SEMA3A: variants seen among roughly 807,000 people sequenced by gnomAD.
SEMA3A encodes the protein semaphorin-3A.
A neutral mutation model predicts 97.9 loss-of-function variants in SEMA3A; 29 were observed. The ratio of observed to expected loss-of-function variants is 0.30; its 90% CI spans 0.22 to 0.40. The LOEUF (loss-of-function observed/expected upper bound fraction) is 0.40. SEMA3A is among the 10% of genes least tolerant of loss of function. SEMA3A has a pLI of 1.00. For synonymous variants in SEMA3A, 321 were observed against 323.7 expected, an observed-to-expected ratio of 0.99 and a Z score of 0.09; for missense variants, 763 against 951.3, an observed-to-expected ratio of 0.80 and a Z score of 2.60.
At chr7:84,246,684 A>C (rs754356024) in intron 3 of SEMA3A, among the ~76,000 whole-genome samples, 1 of 152,124 alleles carries the variant, frequency 6.6e-6, no homozygotes, top group Non-Finnish European at 1.5e-5. Context: ...TGGGAGTATA[A>C]AATTTGAATA....
chr7:84,478,978 A>T (rs1806373682), intron 1 of SEMA3A, among the ~76,000 whole-genome samples: 1 of 152,164 alleles, frequency 6.6e-6, no homozygotes, highest in African/African-American at 2.4e-5. Context: ...TCTCTTGTCA[A>T]ATATATACTA....
intron 4 of SEMA3A, among the ~76,000 whole-genome samples, chr7:84,061,476 G>A (rs564020919): frequency 1.3e-5 from 2 of 152,222 alleles, no homozygotes; most frequent in South Asian, 4.1e-4. Context: ...TAAGAACCAA[G>A]TGCCCTGGGA....
intron 3 of SEMA3A, among the ~76,000 whole-genome samples, chr7:84,286,693 T>C (rs971868184): frequency 2.6e-5 from 4 of 152,062 alleles, no homozygotes; most frequent in African/African-American, 9.7e-5. Context: ...AATTCAAAGG[T>C]AGTCCACTTT....
intron 2 of SEMA3A, among the ~76,000 whole-genome samples, chr7:84,358,631 G>A (rs1239962569): frequency 2.0e-5 from 3 of 152,062 alleles, no homozygotes; most frequent in Admixed American, 6.6e-5. Flanking sequence ...CTCTTTTTTG[G>A]TTCCATATGA....
chr7:84,152,209 A>C (rs200523163), intron 1 of SEMA3A, among the ~76,000 whole-genome samples: 46 of 151,316 alleles, frequency 3.0e-4, no homozygotes, highest in African/African-American at 1.0e-3. Context: ...CCCAAAGGAC[A>C]ATAAATCATG....
chr7:84,176,453 C>A (rs1171754995), intron 1 of SEMA3A, among the ~76,000 whole-genome samples: 1 of 152,062 alleles, frequency 6.6e-6, no homozygotes, highest in African/African-American at 2.4e-5. Flanking sequence ...AGAAATTATT[C>A]ATTATCTTCT....
intron 1 of SEMA3A, among the ~76,000 whole-genome samples, chr7:84,399,004 T>C (rs374047738): frequency 4.6e-5 from 7 of 152,204 alleles, no homozygotes; most frequent in African/African-American, 1.7e-4. Flanking sequence ...TACCTGGTCT[T>C]AGCATAATGA....
intron 13 of SEMA3A, among the ~76,000 whole-genome samples, chr7:83,984,529 G>C (rs960704201): frequency 6.0e-5 from 9 of 149,478 alleles, no homozygotes; most frequent in Non-Finnish European, 1.2e-4. Flanking sequence ...TTTGCCAAAT[G>C]ATTCTCATTT....
At position 84,315,971 on chromosome 7, in the gene SEMA3A, C is replaced by CT. The variant is rs1389067489; in HGVS notation, c.-168-8680dup. ...TTTTTAAAATTCTGTCTTTCTTCCT[C>CT]TAATTTTATTTTCTTTTCTCTTTTG... is the stretch of plus-strand genomic sequence containing the variant. On this transcript the variant is annotated intron_variant, in intron 2 of 3. Coordinates refer to the SEMA3A transcript ENST00000424555. 2.0e-5 allele frequency among the ~76,000 whole-genome samples: 3 copies of CT among 150,460 alleles called. No homozygotes were observed. In the East Asian group the frequency reaches 5.8e-4, roughly 29 times the overall value.
chr7:84,008,220 G>A (rs1790743013), intron 9 of SEMA3A, among the ~76,000 whole-genome samples: 1 of 152,168 alleles, frequency 6.6e-6, no homozygotes, highest in Non-Finnish European at 1.5e-5. Context: ...GGCAGGGCGC[G>A]GTGGCTCAAG....
At chr7:84,290,274 A>AAAACC (rs147347063) in intron 3 of SEMA3A, among the ~76,000 whole-genome samples, 1 of 152,054 alleles carries the variant, frequency 6.6e-6, no homozygotes, top group East Asian at 1.9e-4. Context: ...TTTACAACCA[A>AAAACC]AAACCAAACC....
At chr7:84,215,428 TC>T (rs1669437981) in intron 3 of SEMA3A, among the ~76,000 whole-genome samples, 1 of 76,060 alleles carries the variant, frequency 1.3e-5, no homozygotes, top group African/African-American at 5.8e-5. Flanking sequence ...CCTTAGATGA[TC>T]CGCCCCCCCC....
chr7:84,412,363 T>C (rs1804293826), intron 1 of SEMA3A, among the ~76,000 whole-genome samples: 1 of 152,138 alleles, frequency 6.6e-6, no homozygotes, highest in African/African-American at 2.4e-5. Flanking sequence ...TGGAACTGTA[T>C]TGTTCCATGG....
At chr7:84,133,922 C>A (rs1584015752) in intron 2 of SEMA3A, among the ~76,000 whole-genome samples, 1 of 147,496 alleles carries the variant, frequency 6.8e-6, no homozygotes, top group Non-Finnish European at 1.5e-5. Flanking sequence ...ATTAGCCGGG[C>A]GTGGTGGCAG....
chr7:84,314,747 T>C (rs2115882523), intron 2 of SEMA3A, among the ~76,000 whole-genome samples: 1 of 152,330 alleles, frequency 6.6e-6, no homozygotes, highest in Admixed American at 6.5e-5. Context: ...TCACTTTTGC[T>C]CAATCAAGCA....
In SEMA3A at chr7:84,124,642, T is replaced by G. The variant is rs79755328; in HGVS notation, c.333+4481A>C. On this transcript the variant is annotated intron_variant, in intron 3 of 16. Coordinates refer to ENST00000265362, the MANE Select transcript of SEMA3A (RefSeq NM_006080.3). ...CTTTCTTCTTAATATTTATTTCTTA[T>G]TGTTTATTTAAATCATTGTTAAAAA... Among the ~76,000 whole-genome samples the G allele has an allele frequency of 2.8e-3, 420 of 152,324 alleles. 1 individual carries two copies. Among genetic ancestry groups the G allele is most frequent in the African/African-American group, 9.6e-3 (398 of 41,580 alleles).
chr7:84,050,765 T>A (rs1387552925), intron 5 of SEMA3A, among the ~76,000 whole-genome samples: 2 of 152,230 alleles, frequency 1.3e-5, no homozygotes, highest in African/African-American at 4.8e-5. Context: ...TTTGGTGTTT[T>A]AGACATGAAG....
intron 3 of SEMA3A, among the ~76,000 whole-genome samples, chr7:84,278,653 G>A (rs1442395243): frequency 6.6e-6 from 1 of 152,084 alleles, no homozygotes; most frequent in African/African-American, 2.4e-5. Flanking sequence ...GAGAGCAAAG[G>A]AAGGGCAGGC....
intron 3 of SEMA3A, among the ~76,000 whole-genome samples, chr7:84,266,236 G>C (rs1001134144): frequency 6.9e-6 from 1 of 144,646 alleles, no homozygotes; most frequent in African/African-American, 2.6e-5. Flanking sequence ...CAGGAGAATT[G>C]CTGGAACTCA....
Sources: allele counts gnomAD v4.1 joint callset (sites outside exome capture counted in the v4.1 genomes callset), GRCh38; gene constraint gnomAD v4.1.1; transcripts MANE v1.5; gene names NCBI Gene and HGNC (gene_info 2026-07-23, HGNC 2026-07-21).